HK3: variants seen among roughly 807,000 people sequenced by gnomAD.
HK3 encodes the protein hexokinase 3.
In HK3, 93 loss-of-function variants were observed where a neutral mutation model predicts 91.0. The observed-to-expected ratio is 1.02, with a 90% CI of 0.86 to 1.21. The LOEUF is 1.21. Ranked by LOEUF, HK3 falls within the 50% of genes most tolerant of loss-of-function variation. The pLI is 0.00. For missense variants in HK3, 1,235 were observed against 1,247.4 expected (o/e 0.99, Z 0.15); for synonymous variants, 519 against 516.9 (o/e 1.00, Z -0.06).
At chr5:176,885,638 T>C (rs1320024804) in intron 13 of HK3, among the ~76,000 whole-genome samples, 1 of 151,996 alleles carries the variant, frequency 6.6e-6, no homozygotes, top group East Asian at 1.9e-4. Flanking sequence ...GCCAGGCTGG[T>C]CTTGAAATCC....
chr5:176,888,291 G>A, intron 10 of HK3, 41 bp downstream of exon 10: 1 of 1,500,478 alleles, frequency 6.7e-7, no homozygotes, highest in Non-Finnish European at 9.1e-7. Context: ...ACACACACGT[G>A]TTCATGCCAA....
rs776206493 is a variant in HK3, at chr5:176,887,338, C to A, written c.1601-1G>T. 3 of 1,613,874 alleles carry A rather than the reference C, an allele frequency of 1.9e-6. No homozygotes were observed. Among genetic ancestry groups the A allele is most frequent in the Non-Finnish European group, 2.5e-6 (3 of 1,179,996 alleles). ...TCCAGGGCCAGGAAATCCCCTCGCT[C>A]TGTGGGGGCAGAGACCCTCAGTGCC... is the stretch of plus-strand genomic sequence containing the variant. On this transcript the variant is annotated splice_acceptor_variant, in intron 11 of 18. Transcript: ENST00000292432. LOFTEE classifies it high-confidence loss of function. The surrounding 1 kb of genome is among the most constrained non-coding windows in gnomAD (Gnocchi z 4.9).
intron 15 of HK3, among the ~76,000 whole-genome samples, chr5:176,883,162 C>T (rs757911881): frequency 2.6e-5 from 4 of 152,140 alleles, no homozygotes; most frequent in Admixed American, 6.5e-5. Context: ...GCTGAGTGGT[C>T]GGTTCTGAGA....
chr5:176,893,333 G>T (rs150048266), intron 2 of HK3, among the ~76,000 whole-genome samples: 131 of 152,328 alleles, frequency 8.6e-4, no homozygotes, highest in African/African-American at 3.1e-3. Context: ...TTGCTGGAAA[G>T]AAACCCCAGA....
chr5:176,895,705 A>G (rs1758894946), intron 2 of HK3, among the ~76,000 whole-genome samples: 1 of 152,196 alleles, frequency 6.6e-6, no homozygotes, highest in South Asian at 2.1e-4. Flanking sequence ...ACTTTTGACC[A>G]GATAACCCTG....
At chr5:176,892,614 C>T (rs1211229988) in intron 2 of HK3, among the ~76,000 whole-genome samples, 3 of 152,194 alleles carry the variant, frequency 2.0e-5, no homozygotes, top group African/African-American at 4.8e-5. Context: ...AGGGTCACAG[C>T]CTGGCAACTC....
At chr5:176,891,780 T>C (rs1758782413) in intron 2 of HK3, among the ~76,000 whole-genome samples, 1 of 152,142 alleles carries the variant, frequency 6.6e-6, no homozygotes, top group Admixed American at 6.6e-5. Context: ...CGGCTCCTTC[T>C]CAATTTCTTA....
Position 176,899,322 on chromosome 5 carries a change from A to AT in HK3, c.-83dup, listed in dbSNP as rs1758985604. On this transcript the variant is annotated 5_prime_UTR_variant, in exon 1 of 19. Coordinates refer to ENST00000292432, the MANE Select transcript of HK3 (RefSeq NM_002115.3). ...CAGGTCTGAGCTCTTGTCTGGCAAT[A>AT]TGAGGCACCCCAATGACCAAAAGCA... 6.6e-6 allele frequency: 1 copy of AT among 152,230 alleles called. No homozygotes were observed. The highest frequency in any genetic ancestry group is 2.4e-5 in the African/African-American group (1 of 41,416). The allele number at this position is 152,230 out of a possible 1,614,324, so 9.4% of individuals were successfully genotyped here.
At chr5:176,885,987 A>G (rs1758575948) in intron 13 of HK3, among the ~76,000 whole-genome samples, 1 of 152,040 alleles carries the variant, frequency 6.6e-6, no homozygotes. Context: ...CTGTAATCCC[A>G]GAACTTTGAG....
At chr5:176,890,497 A>T in intron 6 of HK3, 138 bp downstream of exon 6, 1 of 744,822 alleles carries the variant, frequency 1.3e-6, no homozygotes. Flanking sequence ...TGTATAGGTT[A>T]AACTGGATGG....
chr5:176,881,154 C>T lies in HK3; in HGVS notation c.2691G>A (p.Leu897=). The T allele has an allele frequency of 6.2e-7, 1 of 1,613,152 alleles. No homozygotes were observed. The highest frequency in any genetic ancestry group is 1.1e-5 in the South Asian group (1 of 91,084). Reference sequence around the variant, plus strand: ...CTTTGCCGGACCCATCCTCTGACTGCAGGAACGTGACCACACAGCGAGGGG... The same window carrying T: ...CTTTGCCGGACCCATCCTCTGACTGTAGGAACGTGACCACACAGCGAGGGG... ...ELAPRCVVTF[L]QSEDGSGKGA... Residue 897 remains leucine, a synonymous_variant, in exon 19 of 19, where the codon CTG becomes CTA. Coordinates refer to ENST00000292432, the MANE Select transcript of HK3 (RefSeq NM_002115.3).
chr5:176,895,869 T>A (rs1035863578), intron 2 of HK3, among the ~76,000 whole-genome samples, 195 bp downstream of exon 2: 1 of 152,206 alleles, frequency 6.6e-6, no homozygotes, highest in African/African-American at 2.4e-5. Flanking sequence ...ATATCCCTCT[T>A]CATCACCTGT....
rs2278492 is a variant in HK3, at chr5:176,887,458, G to A, written c.1593C>T (p.Asp531=). The change falls in exon 11 of 19, where the codon GAC becomes GAT. Residue 531 remains aspartate (D), a synonymous_variant. Transcript: ENST00000292432. The surrounding 1 kb of genome is among the most constrained non-coding windows in gnomAD (Gnocchi z 4.9). ...CTCAGGCCAGGTCCTTACCGCTGCC[G>A]TCAGGGGTGGCCCGGACGAAAGTGG... is the stretch of plus-strand genomic sequence containing the variant. ...MLPTFVRATP[D]GSERGDFLAL... 555,182 of 1,611,526 alleles carry A rather than the reference G, an allele frequency of 0.34. 97,698 individuals carry two copies. Among genetic ancestry groups the A allele is most frequent in the Admixed American group, 0.51 (30,825 of 59,942 alleles).
At position 176,896,199 on chromosome 5, in the gene HK3, G is replaced by A; in HGVS notation, c.-26-14C>T. On this transcript the variant is annotated splice_polypyrimidine_tract_variant and intron_variant, in intron 1 of 18. Transcript: ENST00000292432. ...GAAGGTGGCCACCTATGGGAGAAAA[G>A]GGACAACCTGGGTCAACCATTTACT... The A allele has an allele frequency of 6.9e-7, 1 of 1,455,606 alleles. No individual in the cohort carries two copies. The allele number at this position is 1,455,606 out of a possible 1,614,324, so 90.2% of individuals were successfully genotyped here. A position where few individuals can be genotyped will look rare whatever the true frequency, so the allele number is the denominator to read the frequency against.
rs564586077 is a variant in HK3, at chr5:176,888,729, T to C, written c.1050A>G (p.Glu350=). 6.2e-7 allele frequency: 1 copy of C among 1,614,204 alleles called. No individual in the cohort carries two copies. Among genetic ancestry groups the C allele is most frequent in the Non-Finnish European group, 8.5e-7 (1 of 1,180,028 alleles). Residue 350 remains glutamate, a synonymous_variant, in exon 9 of 19, where the codon GAA becomes GAG. Transcript: ENST00000292432. ...ALLSQGSILL[E]HVAEMEDPST... is the part of the protein sequence containing the mutation. ...CTCACTCCTCCATCTCAGCCACGTG[T>C]TCCAGGAGGATGCTGCCTTGGCTCA...
At chr5:176,885,811 C>T (rs1758571582) in intron 13 of HK3, among the ~76,000 whole-genome samples, 3 of 151,884 alleles carry the variant, frequency 2.0e-5, no homozygotes, top group South Asian at 2.1e-4. Context: ...TGGAGTCTCA[C>T]CTGCTTCTCA....
chr5:176,885,976 C>T (rs1758575514), intron 13 of HK3, among the ~76,000 whole-genome samples: 1 of 151,924 alleles, frequency 6.6e-6, no homozygotes, highest in Non-Finnish European at 1.5e-5. Flanking sequence ...GTGGCTCACG[C>T]CTGTAATCCC....
chr5:176,887,555 G>T lies in HK3; in HGVS notation c.1496C>A (p.Ala499Glu). The change falls in exon 11 of 19, where the codon GCG becomes GAG. Residue 499 changes from alanine (A) to glutamate (E), a missense_variant. Physicochemically the swap from Ala to Glu is moderately radical, Grantham distance 107. Transcript: ENST00000292432. The surrounding 1 kb of genome is among the most constrained non-coding windows in gnomAD (Gnocchi z 4.9). ...GGCCTTCCGCATCTGTGCCTGAACC[G>T]CAGCCAGTTGATCATGGTTCAACCG... ...PFRLNHDQLAAVQAQMRKAMA... is the reference protein window; with the variant it reads ...PFRLNHDQLAEVQAQMRKAMA... 6.2e-7 allele frequency: 1 copy of T among 1,613,858 alleles called. No individual in the cohort carries two copies. The highest frequency in any genetic ancestry group is 8.5e-7 in the Non-Finnish European group (1 of 1,180,010).
At position 176,887,077 on chromosome 5, in the gene HK3, C is replaced by G. The variant is rs200906801; in HGVS notation, c.1782G>C (p.Lys594Asn). Residue 594 changes from lysine (K) to asparagine (N), a missense_variant, in exon 13 of 19, where the codon AAG becomes AAC. This residue lies in a region of HK3 where 513 missense variants were observed against 477.4 expected (regional missense o/e 1.07). Coordinates refer to ENST00000292432, the MANE Select transcript of HK3 (RefSeq NM_002115.3). The surrounding 1 kb of genome is among the most constrained non-coding windows in gnomAD (Gnocchi z 4.9). ...GGAGGCTCTGCCCGCTCAGGCCCTGCTTCTGCTGGAAGTCCACGATGCAGT... is the reference window on the plus strand; with the variant it reads ...GGAGGCTCTGCCCGCTCAGGCCCTGGTTCTGCTGGAAGTCCACGATGCAGT... ...IVDCIVDFQQKQGLSGQSLPL... is the reference protein window; with the variant it reads ...IVDCIVDFQQNQGLSGQSLPL... 2.0e-4 allele frequency: 326 copies of G among 1,614,118 alleles called. No individual in the cohort carries two copies. The highest frequency in any genetic ancestry group is 2.7e-4 in the Non-Finnish European group (314 of 1,180,052).
Sources: allele counts gnomAD v4.1 joint callset (sites outside exome capture counted in the v4.1 genomes callset), GRCh38; gene constraint gnomAD v4.1.1; regional missense constraint gnomAD v4.1.1; non-coding constraint Gnocchi (gnomAD v3.1); transcripts MANE v1.5; gene names NCBI Gene and HGNC (gene_info 2026-07-23, HGNC 2026-07-21).